Variants in ALMS1 observed in about 807,000 individuals in gnomAD.
ALMS1 encodes the protein ALMS1 centrosome and basal body associated protein, also known as centrosome-associated protein ALMS1.
In ALMS1, 271 loss-of-function variants were observed where a neutral mutation model predicts 352.2. The observed-to-expected ratio is 0.77, with a 90% confidence interval of 0.70 to 0.85. The LOEUF (loss-of-function observed/expected upper bound fraction) is 0.85, where lower values mean the gene tolerates loss of function less well. Ranked by LOEUF, ALMS1 falls within the 40% of genes least tolerant of loss-of-function variation. The pLI is 0.00. For missense variants in ALMS1, 5,445 were observed against 4,870.7 expected, an observed-to-expected ratio of 1.12 and a Z score of -3.51; for synonymous variants, 1,865 against 1,761.2, an observed-to-expected ratio of 1.06 and a Z score of -1.48.
At chr2:73,514,603 C>A (rs1353045522) in intron 10 of ALMS1, among the ~76,000 whole-genome samples, 1 of 152,088 alleles carries the variant, frequency 6.6e-6, no homozygotes, top group Non-Finnish European at 1.5e-5. Context: ...TATATATACA[C>A]AAGAGTGTAT....
intron 9 of ALMS1, among the ~76,000 whole-genome samples, chr2:73,488,885 G>A (rs577894172): frequency 1.3e-5 from 2 of 152,234 alleles, no homozygotes; most frequent in South Asian, 2.1e-4. Context: ...ACAAGGTCTT[G>A]GTTTTTTCCC....
At chr2:73,533,846 A>G (rs1673973177) in intron 11 of ALMS1, among the ~76,000 whole-genome samples, 1 of 152,228 alleles carries the variant, frequency 6.6e-6, no homozygotes. Flanking sequence ...TGTCGCAGAC[A>G]TATTAATAAG....
In ALMS1 at chr2:73,559,136, A is replaced by G. The variant is rs760743195; in HGVS notation, c.10378A>G (p.Ile3460Val). The G allele has an allele frequency of 1.9e-6, 3 of 1,613,216 alleles. No individual in the cohort carries two copies. Among genetic ancestry groups the G allele is most frequent in the Admixed American group, 1.7e-5 (1 of 59,906 alleles). ...PNNKESLQIN[I>V]EESECHSEFE... Reference sequence around the variant, plus strand: ...CAATAAAGAATCCCTACAGATCAATATTGAAGGTAATGGGATTGGGTTGTG... The same window carrying G: ...CAATAAAGAATCCCTACAGATCAATGTTGAAGGTAATGGGATTGGGTTGTG... Residue 3460 changes from isoleucine to valine, a missense_variant, in exon 15 of 23, where the codon ATT becomes GTT. Ile to Val is a conservative substitution (Grantham distance 29, BLOSUM62 3). Transcript: ENST00000613296.
At chr2:73,469,270 T>C (rs186860126) in intron 9 of ALMS1, among the ~76,000 whole-genome samples, 39 of 151,930 alleles carry the variant, frequency 2.6e-4, no homozygotes, top group African/African-American at 9.4e-4. Flanking sequence ...GAGGAAATTA[T>C]AAAATAAAAT....
At chr2:73,386,543 C>T (rs1378886658) in intron 1 of ALMS1, among the ~76,000 whole-genome samples, 8 of 152,102 alleles carry the variant, frequency 5.3e-5, no homozygotes, top group Admixed American at 4.6e-4. Flanking sequence ...GAGTGGTTGC[C>T]TGGGGAGCAT....
chr2:73,563,096 TAA>T (rs1241000215), intron 15 of ALMS1, among the ~76,000 whole-genome samples: 2 of 140,814 alleles, frequency 1.4e-5, no homozygotes, highest in African/African-American at 2.6e-5. Flanking sequence ...TCACCTATAT[TAA>T]AAAAAAAAAA....
At chr2:73,539,796 G>C (rs1015830373) in intron 12 of ALMS1, among the ~76,000 whole-genome samples, 2 of 152,146 alleles carry the variant, frequency 1.3e-5, no homozygotes, top group African/African-American at 4.8e-5. Context: ...TCAGATGAAT[G>C]AAATCAAGCG....
intron 17 of ALMS1, among the ~76,000 whole-genome samples, chr2:73,599,916 T>C (rs1398279806): frequency 6.6e-6 from 1 of 152,256 alleles, no homozygotes; most frequent in Non-Finnish European, 1.5e-5. Flanking sequence ...ACATTGTTTA[T>C]AGCAGGAGAT....
At chr2:73,511,415 G>A (rs182016384) in intron 10 of ALMS1, among the ~76,000 whole-genome samples, 1 of 152,024 alleles carries the variant, frequency 6.6e-6, no homozygotes, top group Admixed American at 6.6e-5. Flanking sequence ...CCTTGGTTAG[G>A]GGAGGGAGTT....
chr2:73,449,207 G>A lies in ALMS1; in HGVS notation c.2680G>A (p.Gly894Ser), dbSNP rs374262388. 1 of 1,614,146 alleles carries A rather than the reference G, an allele frequency of 6.2e-7. No homozygotes were observed. The highest frequency in any genetic ancestry group is 8.5e-7 in the Non-Finnish European group (1 of 1,180,018). ...GAAAGTATCAATTGTTCCTGGACCA[G>A]GTGATCAGAAGACTGGGATACCCTC... is the stretch of plus-strand genomic sequence containing the variant. ...ALKVSIVPGP[G>S]DQKTGIPSAP... Residue 894 changes from glycine (G) to serine (S), a missense_variant, in exon 8 of 23, where the codon GGT (glycine) becomes AGT (serine). Coordinates refer to ENST00000613296, the MANE Select transcript of ALMS1 (RefSeq NM_001378454.1).
intron 15 of ALMS1, among the ~76,000 whole-genome samples, chr2:73,561,038 G>A (rs375856166): frequency 1.3e-5 from 2 of 152,220 alleles, no homozygotes; most frequent in African/African-American, 2.4e-5. Context: ...GCGTGAAAGC[G>A]GGAATACAGA....
intron 7 of ALMS1, among the ~76,000 whole-genome samples, chr2:73,445,229 A>G (rs543824375): frequency 2.5e-4 from 38 of 152,138 alleles, no homozygotes; most frequent in Non-Finnish European, 4.6e-4. Context: ...TCAAGCATTC[A>G]TTATTTCTTT....
At chr2:73,435,858 C>T (rs901018781) in intron 7 of ALMS1, among the ~76,000 whole-genome samples, 1 of 152,166 alleles carries the variant, frequency 6.6e-6, no homozygotes, top group Non-Finnish European at 1.5e-5. Flanking sequence ...TCCTAAAGTG[C>T]TGGGATTACA....
chr2:73,417,208 C>G lies in ALMS1; in HGVS notation c.451-1915C>G, dbSNP rs146321749. Among the ~76,000 whole-genome samples, 90 of 152,060 alleles carry G rather than the reference C, an allele frequency of 5.9e-4. 1 individual carries two copies. In the East Asian group the frequency reaches 0.016, roughly 27 times the overall value. Reference sequence around the variant, plus strand: ...AAATAGAGAAAAAATAGATATATTCCTAGTAAATAGAGTTGCGAAAAAAAT... The same window carrying G: ...AAATAGAGAAAAAATAGATATATTCGTAGTAAATAGAGTTGCGAAAAAAAT... On this transcript the variant is annotated intron_variant, in intron 2 of 22. Transcript: ENST00000613296.
chr2:73,510,771 G>A (rs1673433438), intron 10 of ALMS1, among the ~76,000 whole-genome samples: 1 of 152,202 alleles, frequency 6.6e-6, no homozygotes, highest in African/African-American at 2.4e-5. Flanking sequence ...TCTATTCAGA[G>A]CTGGCAGGCA....
intron 9 of ALMS1, among the ~76,000 whole-genome samples, chr2:73,467,033 T>G (rs1246105): frequency 0.87 from 132,541 of 152,068 alleles, 57,848 homozygotes; most frequent in Admixed American, 0.92. Context: ...TAGACTTTAC[T>G]TTGAAAGGTA....
At chr2:73,577,441 A>G (rs1176392667) in intron 16 of ALMS1, among the ~76,000 whole-genome samples, 1 of 149,882 alleles carries the variant, frequency 6.7e-6, no homozygotes, top group African/African-American at 2.5e-5. Flanking sequence ...TTGAATCTAC[A>G]TTATTCTGCT....
chr2:73,563,722 C>CAAAAAAAAAAA (rs1170434973), intron 15 of ALMS1, among the ~76,000 whole-genome samples: 1 of 52,200 alleles, frequency 1.9e-5, no homozygotes, highest in African/African-American at 1.5e-4. Context: ...GACTCCATCT[C>CAAAAAAAAAAA]AAAAAAAAAA....
rs201603580 is a variant in ALMS1 at position 73,451,153 on chromosome 2, A to G, written c.4626A>G (p.Gln1542=). The G allele has an allele frequency of 3.2e-5, 51 of 1,612,240 alleles. No homozygotes were observed. The highest frequency in any genetic ancestry group is 2.1e-4 in the South Asian group (19 of 90,960). Residue 1542 remains glutamine, a synonymous_variant, in exon 8 of 23, where the codon CAA becomes CAG. Coordinates refer to ENST00000613296, the MANE Select transcript of ALMS1 (RefSeq NM_001378454.1). ...ACCAACTGGCATTGCTAGGTAGTCA[A>G]ATACCTGAAGAGGCTCTCAGAGTTT... is the stretch of plus-strand genomic sequence containing the variant. ...SFYQLALLGS[Q]IPEEALRVSS... is the part of the protein sequence containing the mutation.
Sources: allele counts gnomAD v4.1 joint callset (sites outside exome capture counted in the v4.1 genomes callset), GRCh38; gene constraint gnomAD v4.1.1; transcripts MANE v1.5; gene names NCBI Gene and HGNC (gene_info 2026-07-23, HGNC 2026-07-21).